G3BP2: variants seen among roughly 807,000 people sequenced by gnomAD.
G3BP2 encodes ras GTPase-activating protein-binding protein 2.
In G3BP2, 11 loss-of-function variants were observed where a neutral mutation model predicts 56.7. The observed-to-expected ratio is 0.19, with a 90% confidence interval of 0.12 to 0.32. The LOEUF is 0.32. Ranked by LOEUF, G3BP2 falls within the 10% of genes least tolerant of loss-of-function variation. G3BP2 has a pLI of 1.00. For missense variants in G3BP2, 340 were observed against 610.9 expected (o/e 0.56, Z 4.67); for synonymous variants, 165 against 191.6 (o/e 0.86, Z 1.15).
Position 75,643,194 on chromosome 4 carries a change from G to A in G3BP2, c.*2236C>T, listed in dbSNP as rs1388348208. Reference sequence around the variant, plus strand: ...GGTATGTAAAGACTGAAGCTGAATGGCTCTTTGCTCTACTTTTCTATTATT... The same window carrying A: ...GGTATGTAAAGACTGAAGCTGAATGACTCTTTGCTCTACTTTTCTATTATT... On this transcript the variant is annotated 3_prime_UTR_variant, in exon 12 of 12. Coordinates refer to ENST00000359707, the MANE Select transcript of G3BP2 (RefSeq NM_203505.3). The A allele has an allele frequency of 1.3e-5, 2 of 151,226 alleles. No individual in the cohort carries two copies. Among genetic ancestry groups the A allele is most frequent in the African/African-American group, 4.9e-5 (2 of 40,936 alleles). 9.4% of individuals were successfully genotyped at this position (151,226 alleles called of 1,614,324 possible).
intron 2 of G3BP2, chr4:75,661,701 A>G (rs1026539195): frequency 3.9e-5 from 17 of 436,758 alleles, no homozygotes; most frequent in African/African-American, 8.1e-5. Flanking sequence ...GCGTGTGCAT[A>G]TATAGATATG....
chr4:75,658,556 C>T (rs1248573943), intron 3 of G3BP2, among the ~76,000 whole-genome samples: 1 of 151,768 alleles, frequency 6.6e-6, no homozygotes, highest in African/African-American at 2.4e-5. Flanking sequence ...AGAGAAACCC[C>T]GTCTCTACTA....
At chr4:75,703,505 T>A (rs1179747946) in intron 3 of G3BP2, among the ~76,000 whole-genome samples, 1 of 152,148 alleles carries the variant, frequency 6.6e-6, no homozygotes, top group Non-Finnish European at 1.5e-5. Flanking sequence ...CTAAAATGTA[T>A]ACGACTGTGA....
intron 3 of G3BP2, among the ~76,000 whole-genome samples, chr4:75,711,114 G>T (rs1186110994): frequency 6.6e-6 from 1 of 152,050 alleles, no homozygotes. Flanking sequence ...GAGGTCAGGA[G>T]TTCAAGACCA....
intron 3 of G3BP2, among the ~76,000 whole-genome samples, chr4:75,696,339 CGTT>C (rs1310967424): frequency 1.3e-5 from 2 of 152,108 alleles, no homozygotes; most frequent in African/African-American, 4.8e-5. Flanking sequence ...CTCTGCTGCC[CGTT>C]TTTATGTCTG....
intron 3 of G3BP2, among the ~76,000 whole-genome samples, chr4:75,710,458 C>G (rs1016281919): frequency 4.6e-5 from 7 of 152,188 alleles, no homozygotes; most frequent in African/African-American, 1.7e-4. Context: ...AGTGAGCTAA[C>G]TTAGCTGGGA....
intron 1 of G3BP2, among the ~76,000 whole-genome samples, chr4:75,667,099 C>T (rs1733098044): frequency 1.3e-5 from 2 of 152,076 alleles, no homozygotes; most frequent in South Asian, 4.1e-4. Flanking sequence ...CCAGCCCAGG[C>T]AACATGGCAA....
At chr4:75,685,190 A>T (rs1303972595) in intron 3 of G3BP2, among the ~76,000 whole-genome samples, 5 of 106,702 alleles carry the variant, frequency 4.7e-5, no homozygotes, top group African/African-American at 1.0e-4. Flanking sequence ...AAGTTTATTA[A>T]AAAAAAAAAC....
chr4:75,716,502 T>C (rs1290933902), intron 3 of G3BP2, among the ~76,000 whole-genome samples: 2 of 148,006 alleles, frequency 1.4e-5, no homozygotes, highest in Non-Finnish European at 3.0e-5. Context: ...TTTTTTTGTT[T>C]TTCTTTGTTT....
At chr4:75,682,982 CAAAA>C (rs36085589) in intron 3 of G3BP2, among the ~76,000 whole-genome samples, 5 of 126,214 alleles carry the variant, frequency 4.0e-5, no homozygotes, top group Non-Finnish European at 8.5e-5. Flanking sequence ...GACTCCGTCT[CAAAA>C]AAAAAAAAAA....
At chr4:75,693,754 A>G (rs999937721) in intron 3 of G3BP2, among the ~76,000 whole-genome samples, 3 of 149,270 alleles carry the variant, frequency 2.0e-5, no homozygotes, top group African/African-American at 7.4e-5. Context: ...GCACCACTGC[A>G]CTCTAGCCTG....
intron 3 of G3BP2, among the ~76,000 whole-genome samples, chr4:75,716,739 T>A (rs186558227): frequency 3.1e-3 from 467 of 152,116 alleles, no homozygotes; most frequent in African/African-American, 0.011. Flanking sequence ...GGTCTCGAAC[T>A]CCCAATCTCA....
intron 8 of G3BP2, 38 bp from the exon 9 acceptor site, chr4:75,648,779 T>C: frequency 7.7e-7 from 1 of 1,304,172 alleles, no homozygotes; most frequent in Non-Finnish European, 1.1e-6. Context: ...TAAAAAACAC[T>C]CCACTGGAGA....
intron 1 of G3BP2, among the ~76,000 whole-genome samples, chr4:75,672,059 G>A (rs1012298829): frequency 6.6e-6 from 1 of 152,222 alleles, no homozygotes; most frequent in African/African-American, 2.4e-5. Context: ...AAGGTACAGA[G>A]CCTTGAACCT....
intron 5 of G3BP2, among the ~76,000 whole-genome samples, chr4:75,656,391 C>CT (rs1446681148): frequency 6.6e-6 from 1 of 151,708 alleles, no homozygotes; most frequent in Non-Finnish European, 1.5e-5. Flanking sequence ...TTATTGTACT[C>CT]TATTAGAAAA....
intron 3 of G3BP2, among the ~76,000 whole-genome samples, chr4:75,714,847 C>T (rs2149113582): frequency 6.6e-6 from 1 of 152,254 alleles, no homozygotes; most frequent in South Asian, 2.1e-4. Context: ...CAGCCTGTAA[C>T]CTCAGGCCAA....
chr4:75,703,337 C>T (rs866472199), intron 3 of G3BP2, among the ~76,000 whole-genome samples: 9 of 152,140 alleles, frequency 5.9e-5, no homozygotes, highest in African/African-American at 1.9e-4. Flanking sequence ...CCAGACACTG[C>T]GGAGGCAGCA....
chr4:75,671,696 T>C (rs533004003), intron 1 of G3BP2, among the ~76,000 whole-genome samples: 1 of 152,210 alleles, frequency 6.6e-6, no homozygotes, highest in Non-Finnish European at 1.5e-5. Context: ...TTTTCAGAAT[T>C]AGTTTGTAAA....
chr4:75,723,549 A>T (rs964513406), intron 1 of G3BP2, among the ~76,000 whole-genome samples: 1 of 152,248 alleles, frequency 6.6e-6, no homozygotes, highest in Non-Finnish European at 1.5e-5. Context: ...TATTGATTGG[A>T]CATGTGTGGG....
Sources: allele counts gnomAD v4.1 joint callset (sites outside exome capture counted in the v4.1 genomes callset), GRCh38; gene constraint gnomAD v4.1.1; transcripts MANE v1.5; gene names NCBI Gene and HGNC (gene_info 2026-07-23, HGNC 2026-07-21).